Variants in GALNT13 observed in about 807,000 individuals in gnomAD.
GALNT13 encodes the protein UDP-GalNAc:polypeptide N-acetylgalactosaminyltransferase 13.
A neutral mutation model predicts 64.2 loss-of-function variants in GALNT13; 28 were observed. That is an observed-to-expected ratio of 0.44 (90% CI 0.32 to 0.60). GALNT13 has a LOEUF of 0.60. GALNT13 is among the 20% of genes least tolerant of loss of function. The pLI, the probability that GALNT13 is intolerant of heterozygous loss-of-function variation, is 0.05. For synonymous variants in GALNT13, 214 were observed against 224.6 expected (o/e 0.95, Z 0.42); for missense variants, 577 against 669.8 (o/e 0.86, Z 1.53).
chr2:153,120,434 A>G, the GALNT13 span, among the ~76,000 whole-genome samples: 360 of 152,318 alleles, frequency 2.4e-3, 4 homozygotes, highest in Non-Finnish European at 2.1e-3. Flanking sequence ...GGACCATAGG[A>G]TCTTGACTGT....
At chr2:153,417,322 C>T in the GALNT13 span, among the ~76,000 whole-genome samples, 1 of 151,960 alleles carries the variant, frequency 6.6e-6, no homozygotes, top group Non-Finnish European at 1.5e-5. Flanking sequence ...CCTTGCAGGC[C>T]CAGTCAATTT....
intron 1 of GALNT13, among the ~76,000 whole-genome samples, chr2:153,897,487 G>T (rs1294668880): frequency 1.3e-5 from 2 of 152,066 alleles, no homozygotes; most frequent in East Asian, 3.9e-4. Flanking sequence ...GATTATTGAT[G>T]ATGTTGTCTT....
chr2:154,448,459 C>T (rs1477108605), intron 12 of GALNT13, among the ~76,000 whole-genome samples: 1 of 151,972 alleles, frequency 6.6e-6, no homozygotes. Context: ...TAATTTGAAA[C>T]ATGCCTGAGT....
chr2:154,003,904 C>A (rs1425276757), intron 3 of GALNT13, among the ~76,000 whole-genome samples: 2 of 152,096 alleles, frequency 1.3e-5, no homozygotes, highest in African/African-American at 4.8e-5. Flanking sequence ...GAGGCCTCCC[C>A]AGAAGCAGAA....
At chr2:153,482,064 A>AAG in the GALNT13 span, among the ~76,000 whole-genome samples, 3 of 152,324 alleles carry the variant, frequency 2.0e-5, no homozygotes, top group African/African-American at 7.2e-5. Flanking sequence ...AGTTTATTGA[A>AAG]CCACCAAAAT....
At chr2:153,522,381 T>C in the GALNT13 span, among the ~76,000 whole-genome samples, 1 of 151,054 alleles carries the variant, frequency 6.6e-6, no homozygotes, top group African/African-American at 2.4e-5. Flanking sequence ...TAAGTGAGAG[T>C]GTGAGAAGTG....
At chr2:154,418,283 T>G (rs1350908906) in intron 11 of GALNT13, among the ~76,000 whole-genome samples, 1 of 152,146 alleles carries the variant, frequency 6.6e-6, no homozygotes, top group Non-Finnish European at 1.5e-5. Flanking sequence ...CTTTGGTAAC[T>G]GAAAAATGAA....
chr2:153,548,820 T>C, the GALNT13 span, among the ~76,000 whole-genome samples: 1 of 152,188 alleles, frequency 6.6e-6, no homozygotes, highest in Non-Finnish European at 1.5e-5. Context: ...TGAAAACTTG[T>C]ACACAAATGT....
At chr2:153,912,192 T>C (rs1688988790) in intron 2 of GALNT13, among the ~76,000 whole-genome samples, 1 of 152,224 alleles carries the variant, frequency 6.6e-6, no homozygotes, top group Non-Finnish European at 1.5e-5. Flanking sequence ...CTTGGTCTAA[T>C]CTGTTGCTTT....
intron 9 of GALNT13, among the ~76,000 whole-genome samples, chr2:154,337,658 A>G (rs938153481): frequency 2.0e-5 from 3 of 152,112 alleles, no homozygotes; most frequent in African/African-American, 2.4e-5. Flanking sequence ...AATATTTTTG[A>G]GCAATGTATT....
chr2:154,126,766 T>A (rs1036141465), intron 3 of GALNT13, among the ~76,000 whole-genome samples: 3 of 152,216 alleles, frequency 2.0e-5, no homozygotes, highest in Non-Finnish European at 4.4e-5. Context: ...TTTTGAAGAA[T>A]GCAAGGTAAT....
chr2:153,093,985 TAATGATCCTTTG>T, the GALNT13 span, among the ~76,000 whole-genome samples: 3 of 152,158 alleles, frequency 2.0e-5, no homozygotes, highest in Non-Finnish European at 4.4e-5. Flanking sequence ...CAGTGGCCAC[TAATGATCCTTTG>T]AATTTCTGCA....
At chr2:153,373,736 C>T in the GALNT13 span, among the ~76,000 whole-genome samples, 1 of 152,116 alleles carries the variant, frequency 6.6e-6, no homozygotes, top group African/African-American at 2.4e-5. Context: ...GAATAACTCT[C>T]CATTTCCCTT....
At chr2:154,176,571 A>C (rs1007729930) in intron 4 of GALNT13, among the ~76,000 whole-genome samples, 1 of 152,106 alleles carries the variant, frequency 6.6e-6, no homozygotes, top group African/African-American at 2.4e-5. Context: ...TAATTTAATT[A>C]ATAAATATTC....
At chr2:153,499,078 C>T in the GALNT13 span, among the ~76,000 whole-genome samples, 1 of 152,140 alleles carries the variant, frequency 6.6e-6, no homozygotes, top group Non-Finnish European at 1.5e-5. Flanking sequence ...GATCTGATCT[C>T]CTTACCTCGT....
In GALNT13 at chr2:154,332,404, A is replaced by G. The variant is rs141637512; in HGVS notation, c.1156+30815A>G. On this transcript the variant is annotated intron_variant, in intron 9 of 12. Coordinates refer to ENST00000392825, the MANE Select transcript of GALNT13 (RefSeq NM_052917.4). ...AGCAACATCTGTAAAATGGGAACTG[A>G]TTCTGCCCCTTGCTATCCCACAAAA... Among the ~76,000 whole-genome samples the G allele has an allele frequency of 9.6e-3, 1,456 of 152,194 alleles. 25 individuals carry two copies. Among genetic ancestry groups the G allele is most frequent in the African/African-American group, 0.033 (1,372 of 41,552 alleles).
the GALNT13 span, among the ~76,000 whole-genome samples, chr2:153,388,998 T>A: frequency 6.6e-6 from 1 of 152,214 alleles, no homozygotes; most frequent in South Asian, 2.1e-4. Context: ...ATGAGAAATC[T>A]TGGCTATAAG....
chr2:153,222,495 C>G, the GALNT13 span, among the ~76,000 whole-genome samples: 1 of 152,124 alleles, frequency 6.6e-6, no homozygotes, highest in Admixed American at 6.5e-5. Context: ...TTCAGGCCAT[C>G]CCTGGCTTGA....
intron 9 of GALNT13, among the ~76,000 whole-genome samples, chr2:154,390,918 C>G (rs1476224480): frequency 6.6e-6 from 1 of 152,196 alleles, no homozygotes; most frequent in East Asian, 1.9e-4. Flanking sequence ...AGAATATAAA[C>G]TCCATGGAGG....
Sources: allele counts gnomAD v4.1 joint callset (sites outside exome capture counted in the v4.1 genomes callset), GRCh38; gene constraint gnomAD v4.1.1; transcripts MANE v1.5; gene names NCBI Gene and HGNC (gene_info 2026-07-23, HGNC 2026-07-21).